Variants in PCGF5 observed in about 807,000 individuals in gnomAD.
The protein encoded by PCGF5 is polycomb group ring finger 5, also known as polycomb group RING finger protein 5.
In PCGF5, 9 loss-of-function variants were observed where a neutral mutation model predicts 44.3. The ratio of observed to expected loss-of-function variants is 0.20; its 90% CI spans 0.12 to 0.35. The LOEUF (loss-of-function observed/expected upper bound fraction) is 0.35. Ranked by LOEUF, PCGF5 falls within the 10% of genes least tolerant of loss-of-function variation. The pLI is 1.00. For synonymous variants in PCGF5, 95 were observed against 102.5 expected (o/e 0.93, Z 0.44); for missense variants, 146 against 305.3 (o/e 0.48, Z 3.89).
chr10:91,278,011 A>G (rs998057107), intron 9 of PCGF5, among the ~76,000 whole-genome samples: 1 of 152,154 alleles, frequency 6.6e-6, no homozygotes, highest in Non-Finnish European at 1.5e-5. Flanking sequence ...CACTAGTCAT[A>G]TATACAACCT....
At chr10:91,215,492 C>G (rs61310014), upstream of PCGF5, among the ~76,000 whole-genome samples, 152 of 152,350 alleles carry the variant, frequency 1.0e-3, 2 homozygotes, top group East Asian at 0.027. Flanking sequence ...CCTTAGGAGG[C>G]TGTCAGGTCT....
At chr10:91,186,048 T>A (rs1261456953) in intron 1 of PCGF5, among the ~76,000 whole-genome samples, 1 of 152,260 alleles carries the variant, frequency 6.6e-6, no homozygotes, top group Non-Finnish European at 1.5e-5. Context: ...TATTTATTTC[T>A]TTATGTTTTG....
At chr10:91,185,261 TC>T (rs1035090429) in intron 1 of PCGF5, among the ~76,000 whole-genome samples, 5 of 152,156 alleles carry the variant, frequency 3.3e-5, no homozygotes, top group Non-Finnish European at 7.3e-5. Context: ...GAGGAATGGA[TC>T]CGGGATTCAC....
chr10:91,268,628 C>G (rs913644568), intron 8 of PCGF5, among the ~76,000 whole-genome samples: 11 of 152,252 alleles, frequency 7.2e-5, no homozygotes, highest in African/African-American at 2.6e-4. Context: ...CAAGGGTACT[C>G]CATATTCAGA....
upstream of PCGF5, among the ~76,000 whole-genome samples, chr10:91,162,628 G>A (rs1248315441): frequency 1.3e-5 from 2 of 151,792 alleles, no homozygotes; most frequent in African/African-American, 2.4e-5. Flanking sequence ...CTTCACGCCC[G>A]CCCGGGGCAG....
rs1018392310 is a variant in PCGF5, at chr10:91,281,468, A to G, written c.*3152A>G. 2 of 152,578 alleles carry G rather than the reference A, an allele frequency of 1.3e-5. No homozygotes were observed. The highest frequency in any genetic ancestry group is 2.9e-5 in the Non-Finnish European group (2 of 67,966). 9.5% of individuals were successfully genotyped at this position (152,578 alleles called of 1,614,324 possible). ...AGAAAGTGCCTCATTACTAAAGTGC[A>G]TTTCTGTTTTAAATTTACTGCATAA... On this transcript the variant is annotated 3_prime_UTR_variant, in exon 10 of 10. Coordinates refer to ENST00000336126, the MANE Select transcript of PCGF5 (RefSeq NM_032373.5).
rs1302138065 is a variant in PCGF5, at chr10:91,191,842, G to A, written c.-184+28761G>A. ...TCTGTGAGCATTCATGTTGGATCCA[G>A]CCCTTTGAAGTAGAGAATCAGCTCA... On this transcript the variant is annotated intron_variant, in intron 1 of 9. Transcript: ENST00000614189. 2.6e-5 allele frequency among the ~76,000 whole-genome samples: 4 copies of A among 152,284 alleles called. No homozygotes were observed. The East Asian group carries it at 7.7e-4, about 29-fold the overall frequency.
At position 91,233,341 on chromosome 10, in the gene PCGF5, A is replaced by G. The variant is rs193062960; in HGVS notation, c.113-7143A>G. The stretch of plus-strand genomic sequence containing the variant: ...GTCTAAGATCCCCAGACCATGCTTA[A>G]ACCCCCAGACTCTTTCCTAACCCTG... On this transcript the variant is annotated intron_variant, in intron 2 of 9. Coordinates refer to ENST00000336126, the MANE Select transcript of PCGF5 (RefSeq NM_032373.5). Among the ~76,000 whole-genome samples, 18 of 152,200 alleles carry G rather than the reference A, an allele frequency of 1.2e-4. No individual in the cohort carries two copies. In the East Asian group the frequency reaches 3.5e-3, roughly 29 times the overall value.
chr10:91,259,574 A>G (rs1845843131), intron 6 of PCGF5, among the ~76,000 whole-genome samples: 3 of 152,208 alleles, frequency 2.0e-5, no homozygotes, highest in Admixed American at 1.3e-4. Context: ...AAAGTATTCT[A>G]CAAGGCTACA....
chr10:91,173,687 T>C (rs1331565272), intron 1 of PCGF5, among the ~76,000 whole-genome samples: 3 of 150,456 alleles, frequency 2.0e-5, no homozygotes, highest in African/African-American at 7.3e-5. Flanking sequence ...AGATCAAAAG[T>C]ATAATATTAG....
intron 5 of PCGF5, among the ~76,000 whole-genome samples, chr10:91,249,301 C>T (rs1015584479): frequency 6.7e-6 from 1 of 148,370 alleles, no homozygotes; most frequent in Non-Finnish European, 1.5e-5. Flanking sequence ...AAAGACTCAG[C>T]AATTAGTAAT....
intron 8 of PCGF5, among the ~76,000 whole-genome samples, chr10:91,270,500 G>A (rs1846153270): frequency 6.6e-6 from 1 of 152,162 alleles, no homozygotes; most frequent in Non-Finnish European, 1.5e-5. Flanking sequence ...ACTCTTTGGA[G>A]AGAAAGGAGA....
At chr10:91,166,075 T>C (rs1040595524) in intron 1 of PCGF5, among the ~76,000 whole-genome samples, 6 of 152,206 alleles carry the variant, frequency 3.9e-5, no homozygotes, top group African/African-American at 1.4e-4. Context: ...TTCATTCCTT[T>C]TTAATCAATC....
intron 1 of PCGF5, among the ~76,000 whole-genome samples, chr10:91,211,168 A>G (rs1844444610): frequency 6.6e-6 from 1 of 152,214 alleles, no homozygotes; most frequent in African/African-American, 2.4e-5. Flanking sequence ...TTCCAATGCT[A>G]TGTTTGAACA....
At chr10:91,251,670 CCT>C in intron 6 of PCGF5, among the ~76,000 whole-genome samples, 1 of 152,114 alleles carries the variant, frequency 6.6e-6, no homozygotes, top group African/African-American at 2.4e-5. Flanking sequence ...CAGAATCACA[CCT>C]CTGTTTCTCC....
intron 2 of PCGF5, among the ~76,000 whole-genome samples, chr10:91,233,758 A>G (rs1433666086): frequency 6.6e-6 from 1 of 152,224 alleles, no homozygotes; most frequent in Admixed American, 6.5e-5. Context: ...AGAGTTTTCA[A>G]GACAAAAATG....
intron 7 of PCGF5, among the ~76,000 whole-genome samples, chr10:91,262,654 A>T (rs956921289): frequency 6.6e-6 from 1 of 152,160 alleles, no homozygotes; most frequent in Non-Finnish European, 1.5e-5. Context: ...TCAGATGACT[A>T]GTCTATGGGT....
intron 6 of PCGF5, among the ~76,000 whole-genome samples, chr10:91,259,202 A>G (rs897012481): frequency 6.6e-6 from 1 of 152,160 alleles, no homozygotes; most frequent in African/African-American, 2.4e-5. Flanking sequence ...CACATCAGGC[A>G]CAGAGAAGTT....
intron 1 of PCGF5, among the ~76,000 whole-genome samples, chr10:91,189,506 T>C (rs1451790646): frequency 6.6e-6 from 1 of 152,264 alleles, no homozygotes; most frequent in Admixed American, 6.5e-5. Flanking sequence ...TCAAGATGAA[T>C]TCTACTTAGT....
Sources: allele counts gnomAD v4.1 joint callset (sites outside exome capture counted in the v4.1 genomes callset), GRCh38; gene constraint gnomAD v4.1.1; transcripts MANE v1.5; gene names NCBI Gene and HGNC (gene_info 2026-07-23, HGNC 2026-07-21).